The following ARHGAP39 variants were observed in gnomAD, a reference collection of about 807,000 sequenced individuals.
ARHGAP39 encodes Rho GTPase activating protein 39.
A neutral mutation model predicts 106.9 loss-of-function variants in ARHGAP39; 44 were observed. The ratio of observed to expected loss-of-function variants is 0.41; its 90% CI spans 0.32 to 0.53. The LOEUF (loss-of-function observed/expected upper bound fraction) is 0.53, where lower values mean the gene tolerates loss of function less well. Ranked by LOEUF, ARHGAP39 falls within the 20% of genes least tolerant of loss-of-function variation. The pLI, the probability that ARHGAP39 is intolerant of heterozygous loss-of-function variation, is 0.21. For missense variants in ARHGAP39, 1,496 were observed against 1,577.3 expected (o/e 0.95, Z 0.87); for synonymous variants, 768 against 693.2 (o/e 1.11, Z -1.69).
At chr8:144,556,241 C>T (rs6599532) in intron 3 of ARHGAP39, among the ~76,000 whole-genome samples, 49,865 of 146,812 alleles carry the variant, frequency 0.34, 9,139 homozygotes, top group Middle Eastern at 0.45. Context: ...GCCGAGATGG[C>T]GCCACTGCAC....
chr8:144,627,414 G>A (rs1385701778), intron 1 of ARHGAP39, among the ~76,000 whole-genome samples: 6 of 152,152 alleles, frequency 3.9e-5, no homozygotes. Flanking sequence ...AATCAGCTGG[G>A]TGTGGTGGTG....
chr8:144,607,402 C>T (rs1820333368), intron 1 of ARHGAP39, among the ~76,000 whole-genome samples: 1 of 152,154 alleles, frequency 6.6e-6, no homozygotes, highest in African/African-American at 2.4e-5. Flanking sequence ...TGTATGGCTG[C>T]TCCTAGCCTT....
At chr8:144,678,895 C>T (rs1435701158) in intron 1 of ARHGAP39, among the ~76,000 whole-genome samples, 2 of 152,036 alleles carry the variant, frequency 1.3e-5, no homozygotes, top group Admixed American at 1.3e-4. Context: ...GGCAGGAGAG[C>T]CCCAGGAGGT....
Position 144,530,212 on chromosome 8 carries a change from C to A in ARHGAP39, c.*210G>T. 1.7e-6 allele frequency: 1 copy of A among 581,008 alleles called. No individual in the cohort carries two copies. The highest frequency in any genetic ancestry group is 2.2e-5 in the South Asian group (1 of 44,846). The allele number at this position is 581,008 out of a possible 1,614,324, so 36.0% of individuals were successfully genotyped here. ...CGGGAACTGGCCGTGAGGTGGGGGGCCAGAGGCGCCCTCCCCGCCGCTGCT... is the reference window on the plus strand; with the variant it reads ...CGGGAACTGGCCGTGAGGTGGGGGGACAGAGGCGCCCTCCCCGCCGCTGCT... On this transcript the variant is annotated 3_prime_UTR_variant, in exon 12 of 12. Transcript: ENST00000377307.
chr8:144,696,285 C>G, the ARHGAP39 span, among the ~76,000 whole-genome samples: 1 of 151,646 alleles, frequency 6.6e-6, no homozygotes, highest in African/African-American at 2.4e-5. Flanking sequence ...ATGACAAGTA[C>G]GTACGACCAC....
intron 1 of ARHGAP39, chr8:144,683,448 A>T (rs919841548): frequency 6.6e-6 from 1 of 150,828 alleles, no homozygotes; most frequent in African/African-American, 2.4e-5. Flanking sequence ...CCTGGGTTCA[A>T]GCGATTCTCT....
At chr8:144,653,537 G>A (rs78052130) in intron 1 of ARHGAP39, among the ~76,000 whole-genome samples, 3 of 152,052 alleles carry the variant, frequency 2.0e-5, no homozygotes, top group Non-Finnish European at 4.4e-5. Context: ...CTGCTTGCAC[G>A]GAGAACCCCC....
Position 144,530,500 on chromosome 8 carries a change from C to G in ARHGAP39, c.3267G>C (p.Glu1089Asp), listed in dbSNP as rs755113895. Residue 1089 changes from glutamate to aspartate, a missense_variant, in exon 12 of 12, where the codon GAG (glutamate) becomes GAC (aspartate). Coordinates refer to ENST00000377307, the MANE Select transcript of ARHGAP39 (RefSeq NM_025251.3). ...GGAAGGACATCTCCTTGCGGGTGTT[C>G]TCGAAGATGACGCGCGGGTCGTCGG... ...CQSDDPRVIF[E>D]NTRKEMSFLR... 1.2e-6 allele frequency: 2 copies of G among 1,611,874 alleles called. No homozygotes were observed.
chr8:144,664,746 T>A (rs570697829), intron 1 of ARHGAP39, among the ~76,000 whole-genome samples: 1 of 152,324 alleles, frequency 6.6e-6, no homozygotes, highest in East Asian at 1.9e-4. Context: ...GCCACCACCA[T>A]GTAAGAAGTG....
intron 1 of ARHGAP39, among the ~76,000 whole-genome samples, chr8:144,675,381 G>A (rs1321018077): frequency 6.6e-6 from 1 of 152,164 alleles, no homozygotes; most frequent in Non-Finnish European, 1.5e-5. Context: ...CTTCAAGAAC[G>A]AAGCCGCGGA....
In ARHGAP39 at chr8:144,561,747, C is replaced by CAGACTTAATCCAGTGGTTTCCATT. The variant is rs1564848724; in HGVS notation, c.513-6105_513-6104insAATGGAAACCACTGGATTAAGTCT. Among the ~76,000 whole-genome samples, 732 of 143,636 alleles carry CAGACTTAATCCAGTGGTTTCCATT rather than the reference C, an allele frequency of 5.1e-3. 63 individuals are homozygous for CAGACTTAATCCAGTGGTTTCCATT. The highest frequency in any genetic ancestry group is 0.021 in the African/African-American group (693 of 33,716). The allele number at this position is 143,636 out of a possible 152,430, so 94.2% of individuals were successfully genotyped here. Reference sequence around the variant, plus strand: ...TCGGACTTAATCCAGTGGTTTCCATCGGACTTAATCCAGTGGTTTCCATCG... The same window carrying CAGACTTAATCCAGTGGTTTCCATT: ...TCGGACTTAATCCAGTGGTTTCCATCAGACTTAATCCAGTGGTTTCCATTGGACTTAATCCAGTGGTTTCCATCG... On this transcript the variant is annotated intron_variant, in intron 3 of 11. Coordinates refer to ENST00000377307, the MANE Select transcript of ARHGAP39 (RefSeq NM_025251.3).
At position 144,530,296 on chromosome 8, in the gene ARHGAP39, C is replaced by T; in HGVS notation, c.*126G>A. 3 of 1,058,770 alleles carry T rather than the reference C, an allele frequency of 2.8e-6. No homozygotes were observed. The highest frequency in any genetic ancestry group is 4.0e-6 in the Non-Finnish European group (3 of 742,224). The allele number at this position is 1,058,770 out of a possible 1,614,324, so 65.6% of individuals were successfully genotyped here. A position where few individuals can be genotyped will look rare whatever the true frequency, so the allele number is the denominator to read the frequency against. On this transcript the variant is annotated 3_prime_UTR_variant, in exon 12 of 12. Coordinates refer to ENST00000377307, the MANE Select transcript of ARHGAP39 (RefSeq NM_025251.3). ...ACGTGGGGAGCGCCGGGGCCAGGGG[C>T]CTGGGGGAGTGGAGGGGGCTCCAGG...
intron 1 of ARHGAP39, among the ~76,000 whole-genome samples, chr8:144,637,864 C>CT (rs79827287): frequency 0.058 from 8,163 of 140,830 alleles, 552 homozygotes; most frequent in East Asian, 0.24. Flanking sequence ...ATTTTTCTTT[C>CT]TTTTTTTTTT....
chr8:144,620,080 G>A (rs115486624), intron 1 of ARHGAP39, among the ~76,000 whole-genome samples: 3,887 of 132,864 alleles, frequency 0.029, 181 homozygotes, highest in African/African-American at 0.1. Context: ...GTGTGTGCCC[G>A]AGTGTGCGTT....
chr8:144,619,269 G>A (rs955597826), intron 1 of ARHGAP39, among the ~76,000 whole-genome samples: 3 of 152,362 alleles, frequency 2.0e-5, no homozygotes, highest in Admixed American at 1.3e-4. Context: ...CTGGGCTGGC[G>A]ACGCCCGCCA....
chr8:144,700,167 T>C, the ARHGAP39 span, among the ~76,000 whole-genome samples: 2 of 151,634 alleles, frequency 1.3e-5, no homozygotes, highest in Non-Finnish European at 2.9e-5. The surrounding 1 kb of genome is among the most constrained non-coding windows in gnomAD (Gnocchi z 5.6). Flanking sequence ...TCATTCAGTC[T>C]CCCCCCTGGA....
intron 1 of ARHGAP39, among the ~76,000 whole-genome samples, chr8:144,652,621 G>C (rs1821601287): frequency 6.6e-6 from 1 of 152,168 alleles, no homozygotes; most frequent in African/African-American, 2.4e-5. Flanking sequence ...AACATGGATG[G>C]AGCTGGAGGC....
At chr8:144,686,188 G>A (rs753696516), upstream of ARHGAP39, among the ~76,000 whole-genome samples, 6 of 152,116 alleles carry the variant, frequency 3.9e-5, no homozygotes, top group Non-Finnish European at 4.4e-5. Flanking sequence ...GGCTTCCCGA[G>A]TCTGAGATTT....
chr8:144,695,116 C>A, the ARHGAP39 span, among the ~76,000 whole-genome samples: 17 of 142,584 alleles, frequency 1.2e-4, no homozygotes, highest in Admixed American at 2.2e-4. Flanking sequence ...CCTCTGTGGC[C>A]CAGGCTGAAG....
Sources: allele counts gnomAD v4.1 joint callset (sites outside exome capture counted in the v4.1 genomes callset), GRCh38; gene constraint gnomAD v4.1.1; non-coding constraint Gnocchi (gnomAD v3.1); transcripts MANE v1.5; gene names NCBI Gene and HGNC (gene_info 2026-07-23, HGNC 2026-07-21).